IL1RAPL1: variants seen among roughly 807,000 people sequenced by gnomAD.
IL1RAPL1 encodes interleukin-1 receptor accessory protein-like 1.
Under a neutral mutation model 48.4 loss-of-function variants are expected in IL1RAPL1, and 3 were observed. That is an observed-to-expected ratio of 0.06 (90% confidence interval 0.03 to 0.16). The LOEUF (loss-of-function observed/expected upper bound fraction) is 0.16, where lower values mean the gene tolerates loss of function less well. Among genes scored for constraint, IL1RAPL1 ranks in the 10% least tolerant of loss-of-function variants. The pLI, the probability that IL1RAPL1 is intolerant of heterozygous loss-of-function variation, is 1.00. For missense variants in IL1RAPL1, 349 were observed against 530.6 expected, an observed-to-expected ratio of 0.66 and a Z score of 3.36; for synonymous variants, 185 against 187.7, an observed-to-expected ratio of 0.99 and a Z score of 0.12.
chrX:28,736,994 GTGTT>G (rs1194472396), intron 1 of IL1RAPL1, among the ~76,000 whole-genome samples: 2 of 111,005 alleles, frequency 1.8e-5, no homozygotes, highest in Non-Finnish European at 3.8e-5. Flanking sequence ...GGAGACTTGA[GTGTT>G]TGGAGAAACT....
intron 5 of IL1RAPL1, among the ~76,000 whole-genome samples, chrX:29,468,350 T>C (rs1181996631): frequency 8.9e-6 from 1 of 112,399 alleles, no homozygotes; most frequent in Non-Finnish European, 1.9e-5. Flanking sequence ...GGAAAAGCAA[T>C]GTGCAAACAT....
chrX:29,095,420 G>A (rs1326048597), intron 2 of IL1RAPL1, among the ~76,000 whole-genome samples: 1 of 111,000 alleles, frequency 9.0e-6, no homozygotes, highest in Non-Finnish European at 1.9e-5. Context: ...ATATATTTAG[G>A]ATTGTTGAAA....
At chrX:28,903,817 A>G (rs1011631747) in intron 2 of IL1RAPL1, among the ~76,000 whole-genome samples, 2 of 110,979 alleles carry the variant, frequency 1.8e-5, no homozygotes. Context: ...ATGCATACAT[A>G]TGTGTATTTT....
intron 5 of IL1RAPL1, among the ~76,000 whole-genome samples, chrX:29,557,549 C>A (rs780170957): frequency 1.3e-4 from 14 of 111,449 alleles, no homozygotes; most frequent in African/African-American, 4.6e-4. Context: ...GATCTATTTT[C>A]TTAGCAAATT....
chrX:28,996,583 C>A (rs1925729816), intron 2 of IL1RAPL1, among the ~76,000 whole-genome samples: 1 of 110,765 alleles, frequency 9.0e-6, no homozygotes, highest in Admixed American at 9.6e-5. Flanking sequence ...TATTAGGGTT[C>A]TGATTTCTCT....
At chrX:28,597,931 C>T (rs1372453331) in intron 1 of IL1RAPL1, among the ~76,000 whole-genome samples, 1 of 110,521 alleles carries the variant, frequency 9.0e-6, no homozygotes, top group Non-Finnish European at 1.9e-5. Flanking sequence ...TTAAGTAACT[C>T]TTTAATGAGT....
At chrX:29,219,842 A>G (rs1404584225) in intron 2 of IL1RAPL1, among the ~76,000 whole-genome samples, 1 of 111,243 alleles carries the variant, frequency 9.0e-6, no homozygotes, top group Admixed American at 9.7e-5. Context: ...ACATTCTCCA[A>G]TTCAAAAGCA....
chrX:29,659,766 A>G, intron 5 of IL1RAPL1, among the ~76,000 whole-genome samples: 1 of 111,437 alleles, frequency 9.0e-6, no homozygotes, highest in East Asian at 2.8e-4. Flanking sequence ...CTGGTATTAC[A>G]GCTATTTGTG....
chrX:28,826,538 C>T (rs186879154), intron 2 of IL1RAPL1, among the ~76,000 whole-genome samples: 1 of 111,599 alleles, frequency 9.0e-6, no homozygotes, highest in East Asian at 2.8e-4. Context: ...GTTGACTTAA[C>T]TTTCAAGATG....
Position 29,034,925 on chromosome X carries a change from C to G in IL1RAPL1, c.82+245500C>G, listed in dbSNP as rs910385784. On this transcript the variant is annotated intron_variant, in intron 2 of 10. Transcript: ENST00000378993. ...ACTGGAGTGCAGTGGCGGGATCTCG[C>G]CTCACTGCAAGCTCTGCCTCCTGGG... Among the ~76,000 whole-genome samples, 390 of 108,594 alleles carry G rather than the reference C, an allele frequency of 3.6e-3. 3 individuals carry two copies. The highest frequency in any genetic ancestry group is 0.012 in the African/African-American group (371 of 29,768). The allele number at this position is 108,594 out of a possible 115,157, so 94.3% of individuals were successfully genotyped here. A position where few individuals can be genotyped will look rare whatever the true frequency, so the allele number is the denominator to read the frequency against.
chrX:29,335,328 GGGGAGAGGGGAGA>G (rs1932978206), intron 3 of IL1RAPL1, among the ~76,000 whole-genome samples: 1 of 34,222 alleles, frequency 2.9e-5, no homozygotes, highest in African/African-American at 9.0e-5. Context: ...AGAGGGGAGA[GGGGAGAGGGGAGA>G]GGGAGAGCTA....
intron 3 of IL1RAPL1, among the ~76,000 whole-genome samples, chrX:29,335,798 T>C (rs1167129090): frequency 1.8e-5 from 2 of 111,576 alleles, no homozygotes; most frequent in Non-Finnish European, 3.8e-5. Context: ...TATTTTATTA[T>C]TTGCCTATAT....
chrX:28,835,105 G>A (rs1185202831), intron 2 of IL1RAPL1, among the ~76,000 whole-genome samples: 1 of 111,280 alleles, frequency 9.0e-6, no homozygotes, highest in Non-Finnish European at 1.9e-5. Flanking sequence ...CCTACAAAGG[G>A]CTTAAAACTT....
chrX:28,727,361 T>G (rs1231455939), intron 1 of IL1RAPL1, among the ~76,000 whole-genome samples: 3 of 106,139 alleles, frequency 2.8e-5, no homozygotes, highest in African/African-American at 1.0e-4. Flanking sequence ...ATAAGAATGC[T>G]TGTGATTTTT....
intron 2 of IL1RAPL1, among the ~76,000 whole-genome samples, chrX:28,810,543 G>A (rs1453735241): frequency 9.0e-6 from 1 of 110,840 alleles, no homozygotes; most frequent in Non-Finnish European, 1.9e-5. Flanking sequence ...AGAATGGTGG[G>A]TAGGCAGAAG....
chrX:28,854,543 G>A (rs1160749096), intron 2 of IL1RAPL1, among the ~76,000 whole-genome samples: 1 of 111,462 alleles, frequency 9.0e-6, no homozygotes, highest in Non-Finnish European at 1.9e-5. Context: ...TGGAGGGTGG[G>A]ATCAGGGAAT....
intron 1 of IL1RAPL1, among the ~76,000 whole-genome samples, chrX:28,606,975 ATACT>A (rs1323890032): frequency 9.0e-6 from 1 of 111,440 alleles, no homozygotes; most frequent in Non-Finnish European, 1.9e-5. Flanking sequence ...TAGAAAATAA[ATACT>A]TTCTTTTTCC....
At chrX:28,890,836 G>T (rs1362724634) in intron 2 of IL1RAPL1, among the ~76,000 whole-genome samples, 2 of 112,088 alleles carry the variant, frequency 1.8e-5, no homozygotes, top group Non-Finnish European at 3.8e-5. Context: ...ACCACTGGTA[G>T]CTCTTTCATG....
At chrX:29,441,508 T>G (rs141242429) in intron 5 of IL1RAPL1, among the ~76,000 whole-genome samples, 1 of 112,360 alleles carries the variant, frequency 8.9e-6, no homozygotes, top group African/African-American at 3.2e-5. Context: ...TTAACATGAT[T>G]ACTTCTTCAC....
Sources: gnomAD v4.1 joint callset for allele counts (sites outside exome capture counted in the v4.1 genomes callset) on GRCh38, gnomAD v4.1.1 for gene constraint, MANE v1.5 for transcripts, NCBI Gene and HGNC (gene_info 2026-07-23, HGNC 2026-07-21) for gene names.